ROR2: variants seen among roughly 807,000 people sequenced by gnomAD.
ROR2 encodes tyrosine-protein kinase transmembrane receptor ROR2.
In ROR2, 33 loss-of-function variants were observed where a neutral mutation model predicts 74.9. That is an observed-to-expected ratio of 0.44 (90% CI 0.33 to 0.59). The LOEUF is 0.59. Among genes scored for constraint, ROR2 ranks in the 20% least tolerant of loss-of-function variants. The pLI is 0.02. For missense variants in ROR2, 1,216 were observed against 1,313.8 expected (o/e 0.93, Z 1.15); for synonymous variants, 586 against 558.7 (o/e 1.05, Z -0.69).
chr9:91,879,110 CA>C (rs566701182), intron 1 of ROR2, among the ~76,000 whole-genome samples: 53 of 151,818 alleles, frequency 3.5e-4, no homozygotes, highest in African/African-American at 1.3e-3. Context: ...ACATTGTTCC[CA>C]AAAGCCACAG....
At chr9:91,774,003 A>G (rs1156475021) in intron 2 of ROR2, among the ~76,000 whole-genome samples, 1 of 152,236 alleles carries the variant, frequency 6.6e-6, no homozygotes, top group Admixed American at 6.5e-5. Flanking sequence ...AGTTCAGCCA[A>G]CACGTCCTAG....
At chr9:91,778,348 C>T (rs1316066178) in intron 1 of ROR2, among the ~76,000 whole-genome samples, 1 of 152,230 alleles carries the variant, frequency 6.6e-6, no homozygotes, top group Non-Finnish European at 1.5e-5. Context: ...TGGTGACTGC[C>T]AACCCGATAT....
chr9:91,839,157 GT>G (rs1828700928), intron 1 of ROR2, among the ~76,000 whole-genome samples: 1 of 152,148 alleles, frequency 6.6e-6, no homozygotes. Flanking sequence ...AGATGAAGGG[GT>G]TCTGGGGGGC....
chr9:91,740,412 C>T (rs995561001), intron 4 of ROR2, among the ~76,000 whole-genome samples: 10 of 151,962 alleles, frequency 6.6e-5, no homozygotes, highest in African/African-American at 1.9e-4. Context: ...ATTAGCCAGG[C>T]GTAGTGGTGG....
At chr9:91,796,485 A>G (rs1789146247) in intron 1 of ROR2, among the ~76,000 whole-genome samples, 1 of 151,200 alleles carries the variant, frequency 6.6e-6, no homozygotes, top group Non-Finnish European at 1.5e-5. Flanking sequence ...TTTTCTTTCC[A>G]AATTCTCATG....
intron 1 of ROR2, among the ~76,000 whole-genome samples, chr9:91,930,606 T>C (rs985174589): frequency 6.6e-6 from 1 of 152,214 alleles, no homozygotes; most frequent in African/African-American, 2.4e-5. Context: ...TGGGCACTTG[T>C]TTCTAACACA....
Position 91,733,105 on chromosome 9 carries a change from G to T in ROR2, c.937+17C>A. On this transcript the variant is annotated intron_variant, in intron 6 of 8. Coordinates refer to ENST00000375708, the MANE Select transcript of ROR2 (RefSeq NM_004560.4). This position sits in a 1 kb window ranked among gnomAD's most constrained non-coding sequence, Gnocchi z 5.7. The stretch of plus-strand genomic sequence containing the variant: ...CCCTGCGCCCCCCGGTCCCGCCCCG[G>T]GCCCTCGGGCACTCACAGCGGCCCA... 1 of 1,576,678 alleles carries T rather than the reference G, an allele frequency of 6.3e-7. No homozygotes were observed. The highest frequency in any genetic ancestry group is 1.1e-5 in the South Asian group (1 of 87,050).
chr9:91,754,504 A>G (rs1462813181), intron 4 of ROR2, among the ~76,000 whole-genome samples: 1 of 151,988 alleles, frequency 6.6e-6, no homozygotes, highest in African/African-American at 2.4e-5. Context: ...TAAAAATACA[A>G]ACATTAGCCG....
At chr9:91,846,404 G>C (rs1290800142) in intron 1 of ROR2, among the ~76,000 whole-genome samples, 6 of 152,182 alleles carry the variant, frequency 3.9e-5, no homozygotes, top group Non-Finnish European at 8.8e-5. Flanking sequence ...GATGCAGTGA[G>C]AAGGCGGCCA....
chr9:91,910,425 C>T (rs368150052), intron 1 of ROR2, among the ~76,000 whole-genome samples: 1 of 152,108 alleles, frequency 6.6e-6, no homozygotes, highest in East Asian at 1.9e-4. Context: ...TAAATAATGA[C>T]TTTGAGATAT....
chr9:91,887,558 T>C (rs915778820), intron 1 of ROR2, among the ~76,000 whole-genome samples: 4 of 152,218 alleles, frequency 2.6e-5, no homozygotes, highest in African/African-American at 9.6e-5. Context: ...TTTGGGTTAC[T>C]TGCAGTTTTT....
chr9:91,801,072 C>G (rs578037660), intron 1 of ROR2, among the ~76,000 whole-genome samples: 30 of 152,216 alleles, frequency 2.0e-4, no homozygotes, highest in Admixed American at 9.8e-4. Context: ...CTCACCCCCT[C>G]CCACCCCCAC....
chr9:91,905,627 A>C lies in ROR2; in HGVS notation c.97+44240T>G, dbSNP rs1288993270. Among the ~76,000 whole-genome samples the C allele has an allele frequency of 2.0e-5, 3 of 151,908 alleles. No homozygotes were observed. Among genetic ancestry groups the C allele is most frequent in the African/African-American group, 7.2e-5 (3 of 41,402 alleles). ...ACACAACACATATACAGATGCCCCC[A>C]ACACACATAAACACACATAACACAC... On this transcript the variant is annotated intron_variant, in intron 1 of 8. Coordinates refer to ENST00000375708, the MANE Select transcript of ROR2 (RefSeq NM_004560.4). The surrounding 1 kb of genome is among the most constrained non-coding windows in gnomAD (Gnocchi z 5.3).
Position 91,733,231 on chromosome 9 carries a change from G to A in ROR2, c.828C>T (p.Leu276=), listed in dbSNP as rs373957608. The change falls in exon 6 of 9, where the codon CTC becomes CTT. Residue 276 remains leucine, a synonymous_variant. Coordinates refer to ENST00000375708, the MANE Select transcript of ROR2 (RefSeq NM_004560.4). This position sits in a 1 kb window ranked among gnomAD's most constrained non-coding sequence, Gnocchi z 5.7. ...TGGGCAGCTGAAGCCGCATGAGGAT[G>A]AGCGGGTTGGAGCGGGCGATGGTGT... ...QEYTIARSNP[L]ILMRLQLPKC... 29 of 1,612,494 alleles carry A rather than the reference G, an allele frequency of 1.8e-5. No individual in the cohort carries two copies. The highest frequency in any genetic ancestry group is 1.1e-4 in the African/African-American group (8 of 74,930).
chr9:91,744,942 C>T (rs1825360803), intron 4 of ROR2, among the ~76,000 whole-genome samples: 1 of 152,200 alleles, frequency 6.6e-6, no homozygotes, highest in South Asian at 2.1e-4. Flanking sequence ...TGGTAAAAGG[C>T]TCTCACTGTG....
chr9:91,810,886 A>G (rs1299039771), intron 1 of ROR2, among the ~76,000 whole-genome samples: 1 of 152,246 alleles, frequency 6.6e-6, no homozygotes, highest in Non-Finnish European at 1.5e-5. Flanking sequence ...CGGCACTCTC[A>G]TGCTGCACAG....
rs151108549 is a variant in ROR2, at chr9:91,801,688, G to A, written c.98-25870C>T. ...CCGGAATCCCCAGGAGGGGAGAGGA[G>A]GAATTCTACCTCCCTACACTAGAAA... On this transcript the variant is annotated intron_variant, in intron 1 of 8. Transcript: ENST00000375708. Among the ~76,000 whole-genome samples, 15 of 152,098 alleles carry A rather than the reference G, an allele frequency of 9.9e-5. No homozygotes were observed. The East Asian group carries it at 2.9e-3, about 29-fold the overall frequency.
At position 91,771,321 on chromosome 9, in the gene ROR2, A is replaced by G. The variant is rs531037571; in HGVS notation, c.175+4420T>C. On this transcript the variant is annotated intron_variant, in intron 2 of 8. Coordinates refer to ENST00000375708, the MANE Select transcript of ROR2 (RefSeq NM_004560.4). ...AGCCTTCAGAAATTATCCACTTCCC[A>G]CAAACATTCCAAAGTACTGATCTTT... is the stretch of plus-strand genomic sequence containing the variant. Among the ~76,000 whole-genome samples the G allele has an allele frequency of 4.8e-4, 73 of 152,336 alleles. 1 individual carries two copies. The highest frequency in any genetic ancestry group is 8.4e-4 in the Non-Finnish European group (57 of 68,040).
At chr9:91,771,240 T>G (rs1826217531) in intron 2 of ROR2, among the ~76,000 whole-genome samples, 1 of 152,264 alleles carries the variant, frequency 6.6e-6, no homozygotes, top group African/African-American at 2.4e-5. Flanking sequence ...CGGGTCTATT[T>G]TGGCTGAGCC....
Sources: allele counts gnomAD v4.1 joint callset (sites outside exome capture counted in the v4.1 genomes callset), GRCh38; gene constraint gnomAD v4.1.1; non-coding constraint Gnocchi (gnomAD v3.1); transcripts MANE v1.5; gene names NCBI Gene and HGNC (gene_info 2026-07-23, HGNC 2026-07-21).